The following RAD51B variants were observed in gnomAD, a reference collection of about 807,000 sequenced individuals.
RAD51B encodes RAD51 paralog B.
In RAD51B, 38 loss-of-function variants were observed where a neutral mutation model predicts 42.2. The ratio of observed to expected loss-of-function variants is 0.90; its 90% CI spans 0.70 to 1.18. RAD51B has a LOEUF of 1.18. RAD51B is among the 50% of genes most tolerant of loss of function. RAD51B has a pLI of 0.00. For synonymous variants in RAD51B, 154 were observed against 145.2 expected, an observed-to-expected ratio of 1.06 and a Z score of -0.43; for missense variants, 373 against 400.7, an observed-to-expected ratio of 0.93 and a Z score of 0.59.
At chr14:68,630,261 C>T (rs560787641) in intron 10 of RAD51B, among the ~76,000 whole-genome samples, 49 of 152,276 alleles carry the variant, frequency 3.2e-4, no homozygotes, top group African/African-American at 1.2e-3. Flanking sequence ...TTTCCAGGCA[C>T]TCTTGAGCCT....
At chr14:68,451,424 G>A (rs1594857780) in intron 9 of RAD51B, among the ~76,000 whole-genome samples, 1 of 152,120 alleles carries the variant, frequency 6.6e-6, no homozygotes, top group South Asian at 2.1e-4. Context: ...TACAAAAGAC[G>A]AAGCTGACAG....
intron 7 of RAD51B, among the ~76,000 whole-genome samples, chr14:68,136,575 CA>C (rs1204817902): frequency 8.1e-3 from 36 of 4,446 alleles, no homozygotes; most frequent in African/African-American, 0.011. Context: ...GACTCCATCT[CA>C]AAAAAAAAAA....
intron 7 of RAD51B, among the ~76,000 whole-genome samples, chr14:68,185,838 ACCT>A (rs1294096765): frequency 6.6e-6 from 1 of 152,024 alleles, no homozygotes; most frequent in African/African-American, 2.4e-5. Context: ...GGTGAAGTTC[ACCT>A]CCTGTTGTGT....
intron 7 of RAD51B, among the ~76,000 whole-genome samples, chr14:68,070,744 T>G (rs979106122): frequency 5.3e-5 from 8 of 152,186 alleles, no homozygotes; most frequent in Middle Eastern, 3.2e-3. Context: ...TTGCTTAGGA[T>G]TGCTTTGGCT....
intron 4 of RAD51B, among the ~76,000 whole-genome samples, chr14:67,863,413 A>G (rs1398365344): frequency 6.6e-6 from 1 of 152,096 alleles, no homozygotes; most frequent in Non-Finnish European, 1.5e-5. Flanking sequence ...CATGACCCAG[A>G]CCTACTGAAC....
intron 7 of RAD51B, among the ~76,000 whole-genome samples, chr14:68,259,775 C>A (rs551172894): frequency 1.3e-5 from 2 of 152,190 alleles, no homozygotes; most frequent in East Asian, 3.9e-4. Context: ...TAGCAGGCAC[C>A]AGTTAAGCAT....
At chr14:68,430,390 T>TTTGTGTCC (rs2084971435) in intron 9 of RAD51B, among the ~76,000 whole-genome samples, 1 of 152,238 alleles carries the variant, frequency 6.6e-6, no homozygotes, top group Non-Finnish European at 1.5e-5. Flanking sequence ...GCATGGAATG[T>TTTGTGTCC]TCTTCCATTT....
rs2079093867 is a variant in RAD51B at position 68,183,460 on chromosome 14, C to T, written c.757-108424C>T. Among the ~76,000 whole-genome samples the T allele has an allele frequency of 2.0e-5, 3 of 152,202 alleles. No individual in the cohort carries two copies. In the South Asian group the frequency reaches 6.2e-4, roughly 32 times the overall value. Reference sequence around the variant, plus strand: ...GTGCCCACCAAGATTGAGGGTGGGTCTGCTTCTCCAAGTCCACTGACTCAA... The same window carrying T: ...GTGCCCACCAAGATTGAGGGTGGGTTTGCTTCTCCAAGTCCACTGACTCAA... On this transcript the variant is annotated intron_variant, in intron 7 of 10. Coordinates refer to ENST00000471583, the MANE Select transcript of RAD51B (RefSeq NM_133510.4).
At chr14:67,938,667 CAG>C (rs1235578584) in intron 7 of RAD51B, among the ~76,000 whole-genome samples, 2 of 152,194 alleles carry the variant, frequency 1.3e-5, no homozygotes, top group Non-Finnish European at 2.9e-5. Context: ...TGCTGTATTT[CAG>C]TAGAAAACAG....
chr14:67,989,570 G>A (rs7154725), intron 7 of RAD51B, among the ~76,000 whole-genome samples: 8,945 of 149,446 alleles, frequency 0.06, 623 homozygotes, highest in African/African-American at 0.17. Flanking sequence ...CCTGGGAGGT[G>A]GTTGTGGTGA....
chr14:67,976,095 G>C (rs997830125), intron 7 of RAD51B, among the ~76,000 whole-genome samples: 1 of 142,840 alleles, frequency 7.0e-6, no homozygotes, highest in South Asian at 2.2e-4. Flanking sequence ...TTTTGTTTTC[G>C]CTTGATTTTT....
chr14:68,661,365 A>C (rs1405628249), intron 11 of RAD51B, among the ~76,000 whole-genome samples: 1 of 152,132 alleles, frequency 6.6e-6, no homozygotes, highest in Non-Finnish European at 1.5e-5. Flanking sequence ...CTGTTGCTGC[A>C]CGCGCTGGAA....
intron 8 of RAD51B, among the ~76,000 whole-genome samples, chr14:68,305,352 C>G (rs1366630999): frequency 6.6e-6 from 1 of 152,198 alleles, no homozygotes; most frequent in Non-Finnish European, 1.5e-5. Context: ...TTGGCCTCTC[C>G]CCTCTCAAAC....
At chr14:68,418,795 G>A (rs2084624454) in intron 9 of RAD51B, among the ~76,000 whole-genome samples, 1 of 152,212 alleles carries the variant, frequency 6.6e-6, no homozygotes, top group African/African-American at 2.4e-5. Flanking sequence ...GCCTTAGCTG[G>A]TTAGCTGTGA....
chr14:68,242,023 C>T (rs1014984908), intron 7 of RAD51B, among the ~76,000 whole-genome samples: 3 of 152,216 alleles, frequency 2.0e-5, no homozygotes, highest in Non-Finnish European at 4.4e-5. Context: ...CCTGGCTATA[C>T]CTCAGCTCTG....
At chr14:68,275,755 G>A (rs1293759383) in intron 7 of RAD51B, among the ~76,000 whole-genome samples, 2 of 148,738 alleles carry the variant, frequency 1.3e-5, no homozygotes, top group African/African-American at 2.5e-5. Flanking sequence ...ATGTGTTGTA[G>A]CAGAATTTAG....
chr14:68,555,703 A>T (rs1000311944), intron 10 of RAD51B, among the ~76,000 whole-genome samples: 2 of 152,200 alleles, frequency 1.3e-5, no homozygotes, highest in African/African-American at 4.8e-5. Flanking sequence ...TCATTTATTC[A>T]GTAGAAACAT....
intron 10 of RAD51B, among the ~76,000 whole-genome samples, chr14:68,593,922 G>T (rs951324618): frequency 2.0e-5 from 3 of 152,140 alleles, no homozygotes; most frequent in Admixed American, 6.5e-5. Context: ...AGCCAGTGTC[G>T]GATCAGCTCA....
intron 8 of RAD51B, among the ~76,000 whole-genome samples, chr14:68,346,197 A>G (rs1474634065): frequency 2.0e-5 from 3 of 152,206 alleles, no homozygotes; most frequent in East Asian, 1.9e-4. Context: ...CATCTTTGAC[A>G]TGGTAATCTA....
Sources: allele counts gnomAD v4.1 joint callset (sites outside exome capture counted in the v4.1 genomes callset), GRCh38; gene constraint gnomAD v4.1.1; transcripts MANE v1.5; gene names NCBI Gene and HGNC (gene_info 2026-07-23, HGNC 2026-07-21).